TVP23B: variants seen among roughly 807,000 people sequenced by gnomAD.
TVP23B encodes the protein Golgi apparatus membrane protein TVP23 homolog B.
In TVP23B, 10 loss-of-function variants were observed where a neutral mutation model predicts 30.6. The observed-to-expected ratio is 0.33, with a 90% confidence interval of 0.20 to 0.55. The LOEUF (loss-of-function observed/expected upper bound fraction) is 0.55, where lower values mean the gene tolerates loss of function less well. TVP23B is among the 20% of genes least tolerant of loss of function. TVP23B has a pLI of 0.91. For missense variants in TVP23B, 153 were observed against 243.2 expected (o/e 0.63, Z 2.47); for synonymous variants, 67 against 83.1 (o/e 0.81, Z 1.06).
intron 1 of TVP23B, among the ~76,000 whole-genome samples, chr17:18,784,139 C>T (rs1402993742): frequency 8.0e-5 from 9 of 112,042 alleles, no homozygotes; most frequent in Non-Finnish European, 1.1e-4. Flanking sequence ...AGCCAGACTC[C>T]GTCTCAAAAC....
chr17:18,796,922 T>C (rs1202496151), intron 3 of TVP23B: 2 of 153,970 alleles, frequency 1.3e-5, no homozygotes, highest in African/African-American at 4.8e-5. Flanking sequence ...TTCCCTGTTA[T>C]ACTCTTCAAG....
intron 3 of TVP23B, among the ~76,000 whole-genome samples, chr17:18,792,220 C>G (rs538547844): frequency 6.6e-6 from 1 of 151,870 alleles, no homozygotes; most frequent in Non-Finnish European, 1.5e-5. Flanking sequence ...ATTTTTAGTA[C>G]AGACGGGGTT....
chr17:18,805,756 A>G lies in TVP23B; in HGVS notation c.*189A>G. 1 of 1,433,696 alleles carries G rather than the reference A, an allele frequency of 7.0e-7. No individual in the cohort carries two copies. Among genetic ancestry groups the G allele is most frequent in the Non-Finnish European group, 9.1e-7 (1 of 1,095,082 alleles). The allele number at this position is 1,433,696 out of a possible 1,614,324, so 88.8% of individuals were successfully genotyped here. On this transcript the variant is annotated 3_prime_UTR_variant, in exon 7 of 7. Coordinates refer to ENST00000307767, the MANE Select transcript of TVP23B (RefSeq NM_016078.6). ...TATTTCCTTTCCAGCAGTTGGGGCT[A>G]GAAAGTATGTGTTGGCACTAGAAAC...
chr17:18,795,016 CTTTTTTTT>C (rs781620472), intron 3 of TVP23B, among the ~76,000 whole-genome samples: 5 of 46,218 alleles, frequency 1.1e-4, no homozygotes, highest in African/African-American at 3.5e-4. Context: ...CATCTCAAAT[CTTTTTTTT>C]TTTTTTTTTT....
intron 6 of TVP23B, among the ~76,000 whole-genome samples, chr17:18,805,154 T>TTA (rs1449686840): frequency 1.9e-4 from 28 of 148,142 alleles, no homozygotes; most frequent in African/African-American, 6.4e-4. Flanking sequence ...AGTGGCGCGA[T>TTA]CTCGGCTTAC....
Position 18,788,520 on chromosome 17 carries a change from G to T in TVP23B, c.13-833G>T, listed in dbSNP as rs532807466. ...ATAGAGGCCGGGCGTGGTGGCTCATGCCTGTAATCCCAGCACTTTGGGAGG... is the reference window on the plus strand; with the variant it reads ...ATAGAGGCCGGGCGTGGTGGCTCATTCCTGTAATCCCAGCACTTTGGGAGG... On this transcript the variant is annotated intron_variant, in intron 1 of 6. Coordinates refer to ENST00000307767, the MANE Select transcript of TVP23B (RefSeq NM_016078.6). 1.4e-4 allele frequency among the ~76,000 whole-genome samples: 21 copies of T among 152,288 alleles called. No homozygotes were observed. In the South Asian group the frequency reaches 4.4e-3, roughly 32 times the overall value.
At chr17:18,800,111 C>G (rs2036137131) in intron 5 of TVP23B, among the ~76,000 whole-genome samples, 1 of 151,868 alleles carries the variant, frequency 6.6e-6, no homozygotes, top group East Asian at 1.9e-4. Context: ...CCTCCTACCT[C>G]TAGAGTTTTG....
At chr17:18,805,198 T>G (rs1390411901) in intron 6 of TVP23B, among the ~76,000 whole-genome samples, 6 of 151,202 alleles carry the variant, frequency 4.0e-5, no homozygotes, top group African/African-American at 1.5e-4. Context: ...ACGCCATTCT[T>G]CTGCATCAGC....
chr17:18,798,249 A>T (rs996880070), intron 4 of TVP23B, among the ~76,000 whole-genome samples: 1 of 152,126 alleles, frequency 6.6e-6, no homozygotes, highest in African/African-American at 2.4e-5. Context: ...CAGTACACCA[A>T]GGGTATTGAC....
At chr17:18,786,060 C>T (rs922173257) in intron 1 of TVP23B, among the ~76,000 whole-genome samples, 1 of 152,188 alleles carries the variant, frequency 6.6e-6, no homozygotes, top group Non-Finnish European at 1.5e-5. Context: ...ATCTTAATGC[C>T]ATGAGCACAG....
At chr17:18,793,074 T>C (rs1008553234) in intron 3 of TVP23B, among the ~76,000 whole-genome samples, 1 of 152,094 alleles carries the variant, frequency 6.6e-6, no homozygotes, top group Non-Finnish European at 1.5e-5. Flanking sequence ...CTCATAATGT[T>C]TTAAGAAAGT....
At chr17:18,798,684 TC>T in intron 4 of TVP23B, 127 bp from the exon 5 acceptor site, 1 of 1,304,574 alleles carries the variant, frequency 7.7e-7, no homozygotes, top group Non-Finnish European at 1.0e-6. Flanking sequence ...ATTTTTGGGT[TC>T]TAACTTAGGA....
chr17:18,783,468 G>A (rs2035844040), intron 1 of TVP23B, among the ~76,000 whole-genome samples: 1 of 152,136 alleles, frequency 6.6e-6, no homozygotes, highest in Non-Finnish European at 1.5e-5. Context: ...GCTGCCAGGC[G>A]GTCATTCTAC....
At chr17:18,795,701 T>C (rs978386307) in intron 3 of TVP23B, 2 of 152,234 alleles carry the variant, frequency 1.3e-5, no homozygotes, top group African/African-American at 4.8e-5. Context: ...GTTATATGTG[T>C]AGTAGTTCCC....
intron 1 of TVP23B, among the ~76,000 whole-genome samples, chr17:18,787,080 C>T (rs1485757689): frequency 1.3e-5 from 2 of 151,030 alleles, no homozygotes; most frequent in African/African-American, 4.9e-5. Flanking sequence ...CTCTGCTAGA[C>T]ACTAGGATTT....
At chr17:18,800,508 T>C (rs188988842) in intron 5 of TVP23B, among the ~76,000 whole-genome samples, 67 of 152,340 alleles carry the variant, frequency 4.4e-4, no homozygotes, top group African/African-American at 1.5e-3. Context: ...CTGGCTGGAT[T>C]AATATTCTTG....
At chr17:18,787,362 C>T (rs1252255628) in intron 1 of TVP23B, among the ~76,000 whole-genome samples, 1 of 143,998 alleles carries the variant, frequency 6.9e-6, no homozygotes, top group Non-Finnish European at 1.5e-5. Context: ...GAGACCATAC[C>T]ACTGTACTCC....
chr17:18,781,726 T>C (rs2035810885), intron 1 of TVP23B: 1 of 219,244 alleles, frequency 4.6e-6, no homozygotes, highest in Non-Finnish European at 8.9e-6. Context: ...AAACTAATGT[T>C]GTTGGTGATT....
rs543119589 is a variant in TVP23B at position 18,801,650 on chromosome 17, C to G, written c.463-2488C>G. Among the ~76,000 whole-genome samples the G allele has an allele frequency of 7.2e-5, 11 of 151,962 alleles. No individual in the cohort carries two copies. The South Asian group carries it at 1.7e-3, about 23-fold the overall frequency. ...GGCTGTGCACTCTCTTCTGGTTCTT[C>G]CCTTCTGCTTTGGATTGTTTGTAAG... On this transcript the variant is annotated intron_variant, in intron 5 of 6. Transcript: ENST00000307767.
Sources: gnomAD v4.1 joint callset for allele counts (sites outside exome capture counted in the v4.1 genomes callset) on GRCh38, gnomAD v4.1.1 for gene constraint, MANE v1.5 for transcripts, NCBI Gene and HGNC (gene_info 2026-07-23, HGNC 2026-07-21) for gene names.